GRK3: variants seen among roughly 807,000 people sequenced by gnomAD.
GRK3 encodes G protein-coupled receptor kinase 3.
Under a neutral mutation model 95.7 loss-of-function variants are expected in GRK3, and 54 were observed. The ratio of observed to expected loss-of-function variants is 0.56; its 90% CI spans 0.45 to 0.71. The LOEUF is 0.71. GRK3 is among the 30% of genes least tolerant of loss of function. GRK3 has a pLI of 0.00. For missense variants in GRK3, 649 were observed against 851.2 expected (o/e 0.76, Z 2.96); for synonymous variants, 281 against 290.8 (o/e 0.97, Z 0.34).
chr22:25,647,510 G>C, intron 3 of GRK3: 1 of 1,466,542 alleles, frequency 6.8e-7, no homozygotes, highest in Non-Finnish European at 9.5e-7. Context: ...GTGGTGCCAA[G>C]TTCATATCCT....
At chr22:25,580,024 A>G (rs921871427) in intron 1 of GRK3, among the ~76,000 whole-genome samples, 5 of 151,992 alleles carry the variant, frequency 3.3e-5, no homozygotes, top group Admixed American at 3.3e-4. Context: ...GTGAGGCAAT[A>G]TAAGTACCAA....
At chr22:25,702,397 T>C (rs1161456911) in intron 13 of GRK3, among the ~76,000 whole-genome samples, 1 of 152,214 alleles carries the variant, frequency 6.6e-6, no homozygotes, top group Non-Finnish European at 1.5e-5. Flanking sequence ...ATGGAGTTAA[T>C]ATTAAAATAT....
chr22:25,653,521 A>G (rs551306708), intron 3 of GRK3, among the ~76,000 whole-genome samples: 1 of 152,366 alleles, frequency 6.6e-6, no homozygotes, highest in African/African-American at 2.4e-5. Context: ...AAAAATTGGC[A>G]GATATAAAAT....
intron 3 of GRK3, chr22:25,648,099 A>G: frequency 3.5e-6 from 2 of 572,350 alleles, no homozygotes; most frequent in African/African-American, 1.9e-5. Context: ...CTCGGCGACA[A>G]GAGCAAAAAC....
intron 3 of GRK3, among the ~76,000 whole-genome samples, chr22:25,645,518 G>A (rs1351193865): frequency 1.3e-5 from 2 of 152,158 alleles, no homozygotes; most frequent in Non-Finnish European, 2.9e-5. Context: ...AAACTGAGTG[G>A]GGTGGGAGGC....
At chr22:25,628,326 G>A (rs2084641830) in intron 2 of GRK3, among the ~76,000 whole-genome samples, 1 of 152,188 alleles carries the variant, frequency 6.6e-6, no homozygotes, top group South Asian at 2.1e-4. Context: ...TCCATATGAC[G>A]TTTAACTTAC....
intron 1 of GRK3, among the ~76,000 whole-genome samples, chr22:25,590,819 AAAAC>A (rs1474130469): frequency 8.5e-5 from 13 of 152,198 alleles, no homozygotes; most frequent in Admixed American, 2.0e-4. Flanking sequence ...AATAAAACAA[AAAAC>A]AAACAAACAA....
chr22:25,593,324 T>C (rs997242870), intron 1 of GRK3, among the ~76,000 whole-genome samples: 2 of 152,164 alleles, frequency 1.3e-5, no homozygotes, highest in African/African-American at 2.4e-5. Context: ...TTCCCATTTC[T>C]CCGAAGACTT....
intron 15 of GRK3, among the ~76,000 whole-genome samples, 154 bp downstream of exon 15, chr22:25,704,363 T>C (rs1246415955): frequency 6.6e-6 from 1 of 152,200 alleles, no homozygotes; most frequent in Non-Finnish European, 1.5e-5. Flanking sequence ...ATACAAATAT[T>C]GTCCTATGTG....
chr22:25,638,154 T>C (rs1451376963), intron 2 of GRK3, among the ~76,000 whole-genome samples: 1 of 152,218 alleles, frequency 6.6e-6, no homozygotes, highest in African/African-American at 2.4e-5. Flanking sequence ...CCACCTAACA[T>C]GATACAACTA....
At chr22:25,640,433 A>G (rs1365068829) in intron 2 of GRK3, among the ~76,000 whole-genome samples, 1 of 152,218 alleles carries the variant, frequency 6.6e-6, no homozygotes. Context: ...TGTTTTCACA[A>G]TCACATCCTC....
chr22:25,683,230 T>C (rs550186673), intron 9 of GRK3, among the ~76,000 whole-genome samples: 1 of 152,414 alleles, frequency 6.6e-6, no homozygotes, highest in African/African-American at 2.4e-5. Context: ...ATGATCTATA[T>C]GGCATTCTAG....
intron 2 of GRK3, among the ~76,000 whole-genome samples, chr22:25,608,245 A>G (rs199578183): frequency 8.6e-5 from 13 of 151,994 alleles, no homozygotes; most frequent in South Asian, 2.1e-4. Flanking sequence ...CAAAGAATGA[A>G]GTTTATTAGG....
intron 2 of GRK3, among the ~76,000 whole-genome samples, chr22:25,615,709 G>A (rs912688447): frequency 2.1e-5 from 3 of 145,552 alleles, no homozygotes; most frequent in South Asian, 4.9e-4. Flanking sequence ...CCTCCTTCTC[G>A]GGGGAGAAAG....
At chr22:25,606,881 C>A (rs1186349353) in intron 2 of GRK3, among the ~76,000 whole-genome samples, 1 of 152,176 alleles carries the variant, frequency 6.6e-6, no homozygotes, top group African/African-American at 2.4e-5. Context: ...TAATTTTTAT[C>A]TATAAAAGTA....
chr22:25,655,304 T>C (rs2084862413), intron 3 of GRK3, among the ~76,000 whole-genome samples: 1 of 152,178 alleles, frequency 6.6e-6, no homozygotes, highest in African/African-American at 2.4e-5. Flanking sequence ...TTACATAGAA[T>C]GTCTACGTTG....
At chr22:25,605,600 C>T (rs1161497215) in intron 2 of GRK3, among the ~76,000 whole-genome samples, 4 of 152,206 alleles carry the variant, frequency 2.6e-5, no homozygotes, top group East Asian at 1.9e-4. Context: ...ACATAGCATA[C>T]AATCCACACA....
intron 15 of GRK3, among the ~76,000 whole-genome samples, chr22:25,709,409 G>C (rs886991762): frequency 4.6e-5 from 7 of 152,074 alleles, no homozygotes; most frequent in Non-Finnish European, 1.0e-4. Flanking sequence ...ATTTATAAAG[G>C]GTTTTGGTAT....
chr22:25,646,079 A>G (rs1018716644), intron 3 of GRK3, among the ~76,000 whole-genome samples: 16 of 152,164 alleles, frequency 1.1e-4, no homozygotes, highest in Non-Finnish European at 2.1e-4. Flanking sequence ...ATAGGTAGGT[A>G]ATAACATTAT....
Sources: allele counts gnomAD v4.1 joint callset (sites outside exome capture counted in the v4.1 genomes callset), GRCh38; gene constraint gnomAD v4.1.1; transcripts MANE v1.5; gene names NCBI Gene and HGNC (gene_info 2026-07-23, HGNC 2026-07-21).